LINGO2: variants seen among roughly 807,000 people sequenced by gnomAD.
LINGO2 encodes the protein leucine rich repeat and Ig domain containing 2.
In LINGO2, 14 loss-of-function variants were observed where a neutral mutation model predicts 30.6. The ratio of observed to expected loss-of-function variants is 0.46; its 90% CI spans 0.30 to 0.72. The LOEUF (loss-of-function observed/expected upper bound fraction) is 0.72. Among genes scored for constraint, LINGO2 ranks in the 30% least tolerant of loss-of-function variants. The pLI is 0.07. For synonymous variants in LINGO2, 317 were observed against 288.5 expected (o/e 1.10, Z -1.00); for missense variants, 729 against 751.7 (o/e 0.97, Z 0.35).
chr9:28,196,288 T>A (rs1820006440), intron 4 of LINGO2, among the ~76,000 whole-genome samples: 1 of 151,664 alleles, frequency 6.6e-6, no homozygotes, highest in Non-Finnish European at 1.5e-5. Context: ...ATTAAAATTT[T>A]AAAAATCTGA....
chr9:28,021,751 A>T (rs575314834), intron 4 of LINGO2, among the ~76,000 whole-genome samples: 1 of 152,172 alleles, frequency 6.6e-6, no homozygotes, highest in Admixed American at 6.5e-5. Context: ...TATCCCAGAT[A>T]ATTTTCCTTG....
At chr9:27,980,736 G>C (rs1450153133) in intron 5 of LINGO2, among the ~76,000 whole-genome samples, 1 of 151,882 alleles carries the variant, frequency 6.6e-6, no homozygotes, top group Non-Finnish European at 1.5e-5. Flanking sequence ...TGAGAGGTTG[G>C]CCTATCTGGG....
the LINGO2 span, among the ~76,000 whole-genome samples, chr9:29,090,282 T>G: frequency 2.6e-5 from 4 of 152,050 alleles, no homozygotes. Context: ...AGTGCCATTA[T>G]TCTACCACCC....
intron 4 of LINGO2, among the ~76,000 whole-genome samples, chr9:28,152,292 G>T (rs1015915350): frequency 4.0e-5 from 6 of 150,940 alleles, no homozygotes; most frequent in African/African-American, 1.5e-4. Flanking sequence ...AAAGAGCCTG[G>T]CAACTCTTGT....
intron 4 of LINGO2, among the ~76,000 whole-genome samples, chr9:28,154,870 T>A (rs1206817376): frequency 1.3e-5 from 2 of 152,228 alleles, no homozygotes; most frequent in Non-Finnish European, 2.9e-5. Context: ...GTTGTTTTAT[T>A]TCTTATTTTT....
At chr9:28,805,543 C>T in the LINGO2 span, among the ~76,000 whole-genome samples, 1 of 152,170 alleles carries the variant, frequency 6.6e-6, no homozygotes, top group South Asian at 2.1e-4. Flanking sequence ...GGCCAATTTG[C>T]AACATCCGTT....
At chr9:28,561,531 G>T (rs1042649508) in intron 1 of LINGO2, among the ~76,000 whole-genome samples, 2 of 142,526 alleles carry the variant, frequency 1.4e-5, no homozygotes, top group African/African-American at 5.4e-5. Flanking sequence ...TTATATCTAT[G>T]CTACTTATAC....
At chr9:28,733,756 G>C in the LINGO2 span, among the ~76,000 whole-genome samples, 1 of 151,974 alleles carries the variant, frequency 6.6e-6, no homozygotes, top group Admixed American at 6.6e-5. Flanking sequence ...ACTTCTCCTA[G>C]ATGGCTTTTG....
chr9:28,974,340 A>C, the LINGO2 span, among the ~76,000 whole-genome samples: 1 of 152,154 alleles, frequency 6.6e-6, no homozygotes, highest in African/African-American at 2.4e-5. Flanking sequence ...TGGTAGGTGG[A>C]GGTTGCAGTG....
At chr9:29,106,691 G>T in the LINGO2 span, among the ~76,000 whole-genome samples, 1 of 151,992 alleles carries the variant, frequency 6.6e-6, no homozygotes, top group African/African-American at 2.4e-5. Context: ...CATAATAATT[G>T]TATTAATAAC....
intron 3 of LINGO2, among the ~76,000 whole-genome samples, chr9:28,348,297 T>C (rs1003526182): frequency 3.3e-5 from 5 of 152,184 alleles, no homozygotes; most frequent in Admixed American, 3.3e-4. Context: ...GTGTGCACCG[T>C]GCACGAGCCA....
chr9:28,094,239 C>A (rs1826179900), intron 4 of LINGO2, among the ~76,000 whole-genome samples: 1 of 152,074 alleles, frequency 6.6e-6, no homozygotes, highest in Non-Finnish European at 1.5e-5. Flanking sequence ...ATTAAACTAT[C>A]TAGATAAGAT....
intron 2 of LINGO2, among the ~76,000 whole-genome samples, chr9:28,430,458 C>A (rs575716210): frequency 2.6e-5 from 4 of 152,238 alleles, no homozygotes; most frequent in South Asian, 4.1e-4. Context: ...CTTCTATGAG[C>A]CTTTGTTCAC....
At chr9:28,616,324 T>C (rs1371004723) in intron 1 of LINGO2, among the ~76,000 whole-genome samples, 1 of 152,088 alleles carries the variant, frequency 6.6e-6, no homozygotes, top group Non-Finnish European at 1.5e-5. Flanking sequence ...TGCATGCACA[T>C]ACACACATGT....
chr9:28,895,751 G>A, the LINGO2 span, among the ~76,000 whole-genome samples: 1 of 152,018 alleles, frequency 6.6e-6, no homozygotes, highest in Non-Finnish European at 1.5e-5. Flanking sequence ...AGGGAGAACC[G>A]AGGGAGACAT....
chr9:28,571,402 CTG>C (rs772146284), intron 1 of LINGO2, among the ~76,000 whole-genome samples: 2 of 152,024 alleles, frequency 1.3e-5, no homozygotes, highest in African/African-American at 2.4e-5. Context: ...CTAAAACACT[CTG>C]TACAGAGATT....
intron 2 of LINGO2, among the ~76,000 whole-genome samples, chr9:28,428,781 T>C (rs945377468): frequency 6.6e-6 from 1 of 152,142 alleles, no homozygotes; most frequent in Non-Finnish European, 1.5e-5. Context: ...TATGAATGAC[T>C]TTTGACAACT....
chr9:28,625,316 G>T (rs1188083283), intron 1 of LINGO2, among the ~76,000 whole-genome samples: 1 of 152,128 alleles, frequency 6.6e-6, no homozygotes, highest in African/African-American at 2.4e-5. Context: ...TCTCCCAAGT[G>T]CACAGATTCT....
the LINGO2 span, among the ~76,000 whole-genome samples, chr9:28,977,743 G>A: frequency 6.6e-6 from 1 of 152,150 alleles, no homozygotes; most frequent in African/African-American, 2.4e-5. Context: ...AAGCCAGAAG[G>A]TAATTGGGTC....
Sources: allele counts gnomAD v4.1 joint callset (sites outside exome capture counted in the v4.1 genomes callset), GRCh38; gene constraint gnomAD v4.1.1; transcripts MANE v1.5; gene names NCBI Gene and HGNC (gene_info 2026-07-23, HGNC 2026-07-21).